The following KCNH1 variants were observed in gnomAD, a reference collection of about 807,000 sequenced individuals.
KCNH1 encodes the protein voltage-gated delayed rectifier potassium channel KCNH1.
KCNH1 carries 27 observed loss-of-function variants against 69.2 expected under a neutral mutation model. The observed-to-expected ratio is 0.39, with a 90% confidence interval of 0.29 to 0.54. The LOEUF (loss-of-function observed/expected upper bound fraction) is 0.54. Ranked by LOEUF, KCNH1 falls within the 20% of genes least tolerant of loss-of-function variation. The pLI is 0.68. For missense variants in KCNH1, 798 were observed against 1,261.6 expected (o/e 0.63, Z 5.57); for synonymous variants, 456 against 487.7 (o/e 0.93, Z 0.86).
chr1:210,879,268 G>C (rs1686445284), intron 7 of KCNH1, among the ~76,000 whole-genome samples: 1 of 151,904 alleles, frequency 6.6e-6, no homozygotes, highest in Non-Finnish European at 1.5e-5. Context: ...CATTCTAGGA[G>C]GCCAGGATTA....
intron 10 of KCNH1, among the ~76,000 whole-genome samples, chr1:210,710,225 T>TA (rs111407250): frequency 0.021 from 3,199 of 151,866 alleles, 101 homozygotes; most frequent in Admixed American, 0.063. Context: ...ATATAAAAGA[T>TA]AAAAAAAATA....
At chr1:210,951,530 T>C (rs1337228581) in intron 6 of KCNH1, among the ~76,000 whole-genome samples, 2 of 152,082 alleles carry the variant, frequency 1.3e-5, no homozygotes, top group East Asian at 1.9e-4. Flanking sequence ...TCGGTTTGAG[T>C]TTACAACGCT....
At chr1:210,811,760 T>C (rs969049659) in intron 7 of KCNH1, among the ~76,000 whole-genome samples, 1 of 152,114 alleles carries the variant, frequency 6.6e-6, no homozygotes, top group African/African-American at 2.4e-5. Context: ...ATAGTAATGA[T>C]AAATAACACC....
At chr1:210,747,654 A>G (rs1052183547) in intron 10 of KCNH1, among the ~76,000 whole-genome samples, 2 of 151,904 alleles carry the variant, frequency 1.3e-5, no homozygotes, top group African/African-American at 4.8e-5. Context: ...AAAAAAAAAA[A>G]AAATGCTTTA....
chr1:211,010,003 G>A (rs997242524), intron 6 of KCNH1, among the ~76,000 whole-genome samples: 5 of 152,196 alleles, frequency 3.3e-5, no homozygotes, highest in Non-Finnish European at 5.9e-5. Flanking sequence ...TGAGGAGAGA[G>A]GAGAAGCTAT....
In KCNH1 at chr1:210,775,515, A is replaced by G. The variant is rs1683843034; in HGVS notation, c.1945T>C (p.Trp649Arg). ...GKGDVFGDVF[W>R]KEATLAQSCA... ...GACTGGGCAAGGGTGGCTTCCTTCCAGAACACATCTCCAAACACGTCTCCT... is the reference window on the plus strand; with the variant it reads ...GACTGGGCAAGGGTGGCTTCCTTCCGGAACACATCTCCAAACACGTCTCCT... The change falls in exon 10 of 11, where the codon TGG becomes CGG. Residue 649 changes from tryptophan to arginine, a missense_variant. Transcript: ENST00000271751. The G allele has an allele frequency of 6.2e-7, 1 of 1,614,006 alleles. No homozygotes were observed. Among genetic ancestry groups the G allele is most frequent in the Non-Finnish European group, 8.5e-7 (1 of 1,179,926 alleles).
At chr1:210,687,694 T>G (rs1355983207) in intron 10 of KCNH1, among the ~76,000 whole-genome samples, 1 of 152,228 alleles carries the variant, frequency 6.6e-6, no homozygotes, top group Non-Finnish European at 1.5e-5. Context: ...TAACTTCGAC[T>G]GCTTTTCTGG....
intron 6 of KCNH1, among the ~76,000 whole-genome samples, chr1:211,010,203 T>G (rs1223782261): frequency 6.6e-6 from 1 of 152,030 alleles, no homozygotes; most frequent in African/African-American, 2.4e-5. Flanking sequence ...GTATTAGGAC[T>G]GAGGGGCAGA....
At chr1:210,897,952 G>A (rs2102531356) in intron 7 of KCNH1, among the ~76,000 whole-genome samples, 1 of 152,294 alleles carries the variant, frequency 6.6e-6, no homozygotes, top group African/African-American at 2.4e-5. Flanking sequence ...CCCTGGAGGG[G>A]TAAGTGGCAG....
Position 210,678,477 on chromosome 1 carries a change from A to C in KCNH1, c.*4804T>G, listed in dbSNP as rs1418719745. Reference sequence around the variant, plus strand: ...ACAGATATACAGTGGTGTTCTTGGCAGCATCCTCAGCTGACCACAAAAATA... The same window carrying C: ...ACAGATATACAGTGGTGTTCTTGGCCGCATCCTCAGCTGACCACAAAAATA... On this transcript the variant is annotated 3_prime_UTR_variant, in exon 11 of 11. Transcript: ENST00000271751. 3 of 152,212 alleles carry C rather than the reference A, an allele frequency of 2.0e-5. No individual in the cohort carries two copies. The highest frequency in any genetic ancestry group is 4.8e-5 in the African/African-American group (2 of 41,462). The allele number at this position is 152,212 out of a possible 1,614,324, so 9.4% of individuals were successfully genotyped here.
At chr1:210,812,460 T>C (rs1402547366) in intron 7 of KCNH1, among the ~76,000 whole-genome samples, 1 of 152,226 alleles carries the variant, frequency 6.6e-6, no homozygotes, top group Non-Finnish European at 1.5e-5. Context: ...TGAAATTCAA[T>C]ATCCATTAAG....
chr1:210,942,529 A>G (rs1381141496), intron 6 of KCNH1, among the ~76,000 whole-genome samples: 1 of 152,254 alleles, frequency 6.6e-6, no homozygotes, highest in Non-Finnish European at 1.5e-5. Context: ...CAAAGCGGAG[A>G]AACTATTTCT....
intron 9 of KCNH1, among the ~76,000 whole-genome samples, chr1:210,792,166 G>T (rs536177814): frequency 1.8e-4 from 28 of 152,024 alleles, no homozygotes; most frequent in South Asian, 1.0e-3. Flanking sequence ...CTTCCCAGAG[G>T]TTCTCCCTCC....
In KCNH1 at chr1:210,718,655, C is replaced by T. The variant is rs919546766; in HGVS notation, c.2113-34517G>A. 5.9e-3 allele frequency among the ~76,000 whole-genome samples: 182 copies of T among 30,842 alleles called. 9 individuals are homozygous for T. The highest frequency in any genetic ancestry group is 0.028 in the South Asian group (36 of 1,266). The allele number at this position is 30,842 out of a possible 152,430, so 20.2% of individuals were successfully genotyped here. On this transcript the variant is annotated intron_variant, in intron 10 of 10. Transcript: ENST00000271751. The stretch of plus-strand genomic sequence containing the variant: ...ATATATATATACATATATATATACA[C>T]ACACACACACACACACACACACACA...
chr1:210,948,827 CA>C (rs1024304929), intron 6 of KCNH1, among the ~76,000 whole-genome samples: 1 of 129,254 alleles, frequency 7.7e-6, no homozygotes, highest in African/African-American at 2.9e-5. Context: ...GACTCCATCT[CA>C]AAAAAAAGGA....
At chr1:211,122,811 C>T (rs1691712559) in intron 1 of KCNH1, among the ~76,000 whole-genome samples, 1 of 152,116 alleles carries the variant, frequency 6.6e-6, no homozygotes, top group African/African-American at 2.4e-5. Context: ...GAACAACACA[C>T]ACCAGGTCCT....
At chr1:210,736,545 C>T (rs560641410) in intron 10 of KCNH1, among the ~76,000 whole-genome samples, 41 of 151,578 alleles carry the variant, frequency 2.7e-4, no homozygotes, top group Admixed American at 2.7e-3. Context: ...CTCCATCCCC[C>T]CTCCAAAAAA....
chr1:211,073,334 A>T (rs80328427), intron 5 of KCNH1, among the ~76,000 whole-genome samples: 13,929 of 152,260 alleles, frequency 0.091, 916 homozygotes, highest in South Asian at 0.18. Flanking sequence ...GAAAATCAGT[A>T]AGGATATAGT....
Position 211,133,825 on chromosome 1 carries a change from G to A in KCNH1, c.79+42C>T. On this transcript the variant is annotated intron_variant, in intron 1 of 10. Coordinates refer to ENST00000271751, the MANE Select transcript of KCNH1 (RefSeq NM_172362.3). This position sits in a 1 kb window ranked among gnomAD's most constrained non-coding sequence, Gnocchi z 5.4. ...CGAGAGGTTCTGCAATAAAGGCACGGATAAAACGCCCGGGTAATCGAAATC... is the reference window on the plus strand; with the variant it reads ...CGAGAGGTTCTGCAATAAAGGCACGAATAAAACGCCCGGGTAATCGAAATC... 1.9e-6 allele frequency: 3 copies of A among 1,571,342 alleles called. No homozygotes were observed. Among genetic ancestry groups the A allele is most frequent in the Non-Finnish European group, 2.6e-6 (3 of 1,146,520 alleles).
Sources: gnomAD v4.1 joint callset for allele counts (sites outside exome capture counted in the v4.1 genomes callset) on GRCh38, gnomAD v4.1.1 for gene constraint, Gnocchi (gnomAD v3.1) non-coding constraint, MANE v1.5 for transcripts, NCBI Gene and HGNC (gene_info 2026-07-23, HGNC 2026-07-21) for gene names.